DOCK1: variants seen among roughly 807,000 people sequenced by gnomAD.
DOCK1 encodes dedicator of cytokinesis protein 1.
A neutral mutation model predicts 262.7 loss-of-function variants in DOCK1; 138 were observed. That is an observed-to-expected ratio of 0.53 (90% confidence interval 0.46 to 0.61). The LOEUF is 0.61. DOCK1 is among the 20% of genes least tolerant of loss of function. DOCK1 has a pLI of 0.00. For missense variants in DOCK1, 1,908 were observed against 2,370.7 expected (o/e 0.80, Z 4.05); for synonymous variants, 866 against 867.4 (o/e 1.00, Z 0.03).
In DOCK1 at chr10:127,212,421, C is replaced by T. The variant is rs57211580; in HGVS notation, c.2848-35587C>T. ...TATGCAAGCGTCGTGAGATCTAATC[C>T]ATACAGAAGTTGAGAATGTGTTTCC... On this transcript the variant is annotated intron_variant, in intron 27 of 51. Coordinates refer to ENST00000623213, the MANE Select transcript of DOCK1 (RefSeq NM_001290223.2). 1.1e-3 allele frequency among the ~76,000 whole-genome samples: 161 copies of T among 152,172 alleles called. 1 individual carries two copies. Among genetic ancestry groups the T allele is most frequent in the African/African-American group, 3.8e-3 (157 of 41,504 alleles).
At chr10:127,341,446 T>C (rs1196360972) in intron 30 of DOCK1, among the ~76,000 whole-genome samples, 1 of 152,248 alleles carries the variant, frequency 6.6e-6, no homozygotes, top group Admixed American at 6.5e-5. Flanking sequence ...ACATACTGCT[T>C]GGATTTTAGC....
At chr10:127,214,008 T>C (rs1291902697) in intron 27 of DOCK1, among the ~76,000 whole-genome samples, 2 of 152,020 alleles carry the variant, frequency 1.3e-5, no homozygotes, top group East Asian at 3.9e-4. Flanking sequence ...CCTGGCTAAT[T>C]TTTTTGTATT....
chr10:127,304,124 C>T lies in DOCK1; in HGVS notation c.3045-34882C>T, dbSNP rs74158655. On this transcript the variant is annotated intron_variant, in intron 29 of 51. Coordinates refer to ENST00000623213, the MANE Select transcript of DOCK1 (RefSeq NM_001290223.2). ...GCCAAGCGATGGGGAACACAAGAGC[C>T]GGGTTCTGTGGCTGCTCAGGGGGCA... 4.2e-3 allele frequency among the ~76,000 whole-genome samples: 644 copies of T among 152,190 alleles called. 4 individuals carry two copies. Among genetic ancestry groups the T allele is most frequent in the Admixed American group, 0.012 (190 of 15,282 alleles).
chr10:127,383,950 C>G (rs1170858966), intron 37 of DOCK1, among the ~76,000 whole-genome samples: 1 of 151,942 alleles, frequency 6.6e-6, no homozygotes, highest in Non-Finnish European at 1.5e-5. Flanking sequence ...GGGTCTTGCT[C>G]TGTTGTCCAG....
At chr10:127,346,799 G>A (rs1375892237) in intron 31 of DOCK1, among the ~76,000 whole-genome samples, 1 of 152,194 alleles carries the variant, frequency 6.6e-6, no homozygotes, top group African/African-American at 2.4e-5. Flanking sequence ...CACAACGATA[G>A]CAACAGGAGA....
chr10:127,102,675 A>G (rs2048318461), intron 23 of DOCK1, among the ~76,000 whole-genome samples: 1 of 152,152 alleles, frequency 6.6e-6, no homozygotes, highest in Admixed American at 6.5e-5. Context: ...CCTCGTCTCT[A>G]CTAAAAATAC....
chr10:127,042,793 G>T, intron 20 of DOCK1, 79 bp downstream of exon 20: 1 of 1,456,624 alleles, frequency 6.9e-7, no homozygotes. Flanking sequence ...GGAGTCGGGG[G>T]CTTCGTCACA....
chr10:127,160,138 A>G (rs111620384), intron 27 of DOCK1, among the ~76,000 whole-genome samples: 3 of 93,626 alleles, frequency 3.2e-5, no homozygotes, highest in East Asian at 3.3e-4. Context: ...GTCAGGAAAG[A>G]AAAAAAAAAA....
chr10:127,225,870 A>G (rs1336737684), intron 27 of DOCK1, among the ~76,000 whole-genome samples: 2 of 152,072 alleles, frequency 1.3e-5, no homozygotes, highest in African/African-American at 4.8e-5. Flanking sequence ...CGAGATCAGG[A>G]GTTGGAGACC....
At chr10:127,094,097 G>A (rs927509797) in intron 23 of DOCK1, among the ~76,000 whole-genome samples, 2 of 152,158 alleles carry the variant, frequency 1.3e-5, no homozygotes, top group Non-Finnish European at 2.9e-5. Context: ...GGGAGGCTGA[G>A]GTGGGAGTAT....
chr10:127,425,188 G>A (rs1434600513), intron 46 of DOCK1, among the ~76,000 whole-genome samples: 1 of 152,130 alleles, frequency 6.6e-6, no homozygotes, highest in African/African-American at 2.4e-5. Context: ...CCAAGCCCTG[G>A]GGGGAAGCAG....
In DOCK1 at chr10:127,198,927, G is replaced by A. The variant is rs139908955; in HGVS notation, c.2848-49081G>A. Among the ~76,000 whole-genome samples the A allele has an allele frequency of 2.1e-3, 323 of 152,138 alleles. 1 individual carries two copies. The highest frequency in any genetic ancestry group is 0.014 in the Middle Eastern group (4 of 294). ...CAGGCTTTAAAGCAAGCATCATGCT[G>A]GGGGCTGGCTGGAGAGAAGGGAGTT... On this transcript the variant is annotated intron_variant, in intron 27 of 51. Transcript: ENST00000623213.
chr10:127,073,214 A>G (rs116564231), intron 23 of DOCK1, among the ~76,000 whole-genome samples: 3,453 of 152,360 alleles, frequency 0.023, 134 homozygotes, highest in East Asian at 0.19. Context: ...CTCAACATTA[A>G]GAATTCAGTT....
At chr10:127,026,581 T>C (rs1180279277) in intron 16 of DOCK1, 157 bp downstream of exon 16, 1 of 717,322 alleles carries the variant, frequency 1.4e-6, no homozygotes, top group African/African-American at 1.8e-5. Flanking sequence ...CTTCTCTCTT[T>C]TCCTTGAGCA....
At chr10:127,263,260 C>T (rs1429083554) in intron 29 of DOCK1, among the ~76,000 whole-genome samples, 2 of 101,142 alleles carry the variant, frequency 2.0e-5, no homozygotes, top group Non-Finnish European at 4.2e-5. Flanking sequence ...AATCACGTCT[C>T]CCTAGCATTG....
chr10:127,096,230 T>A (rs1293929640), intron 23 of DOCK1, among the ~76,000 whole-genome samples: 1 of 152,188 alleles, frequency 6.6e-6, no homozygotes, highest in Non-Finnish European at 1.5e-5. Flanking sequence ...GTGGATTTCC[T>A]TTCTTCAGCC....
chr10:127,261,051 A>G (rs1401053130), intron 29 of DOCK1, among the ~76,000 whole-genome samples: 2 of 94,268 alleles, frequency 2.1e-5, no homozygotes, highest in East Asian at 3.7e-4. Flanking sequence ...ACCCGTGCTC[A>G]TGTGTGTGTG....
intron 31 of DOCK1, among the ~76,000 whole-genome samples, chr10:127,353,135 C>T (rs1339559872): frequency 6.6e-6 from 1 of 152,154 alleles, no homozygotes; most frequent in African/African-American, 2.4e-5. Context: ...GACTCACCCA[C>T]CTGCACATCG....
At chr10:127,313,122 G>C (rs2062127038) in intron 29 of DOCK1, among the ~76,000 whole-genome samples, 1 of 152,072 alleles carries the variant, frequency 6.6e-6, no homozygotes, top group African/African-American at 2.4e-5. Flanking sequence ...TCAGCTGTGT[G>C]ACCCACTCCA....
Sources: allele counts gnomAD v4.1 joint callset (sites outside exome capture counted in the v4.1 genomes callset), GRCh38; gene constraint gnomAD v4.1.1; transcripts MANE v1.5; gene names NCBI Gene and HGNC (gene_info 2026-07-23, HGNC 2026-07-21).